The following EBF3 variants were observed in gnomAD, a reference collection of about 807,000 sequenced individuals.
The protein encoded by EBF3 is transcription factor COE3.
In EBF3, 18 loss-of-function variants were observed where a neutral mutation model predicts 77.1. The observed-to-expected ratio is 0.23, with a 90% CI of 0.16 to 0.35. The LOEUF (loss-of-function observed/expected upper bound fraction) is 0.35. Ranked by LOEUF, EBF3 falls within the 10% of genes least tolerant of loss-of-function variation. The probability of loss-of-function intolerance (pLI) is 1.00; values close to 1 mark genes in which losing one functional copy is unlikely to be tolerated. For missense variants in EBF3, 558 were observed against 860.0 expected (o/e 0.65, Z 4.39); for synonymous variants, 350 against 343.5 (o/e 1.02, Z -0.21).
rs751990395 is a variant in EBF3 at position 129,842,081 on chromosome 10, T to C, written c.1372+35A>G. The C allele has an allele frequency of 3.1e-6, 5 of 1,613,658 alleles. No individual in the cohort carries two copies. In the South Asian group the frequency reaches 4.4e-5, roughly 14 times the overall value. ...GGCCTCAACCAACCCTCGGAGGGCG[T>C]TCAGGGCAGGGGTCCTCCCAGCATG... On this transcript the variant is annotated intron_variant, in intron 13 of 16. Transcript: ENST00000440978. The surrounding 1 kb of genome is among the most constrained non-coding windows in gnomAD (Gnocchi z 4.4).
At chr10:129,918,546 C>A (rs532277756) in intron 6 of EBF3, among the ~76,000 whole-genome samples, 2 of 152,338 alleles carry the variant, frequency 1.3e-5, no homozygotes, top group South Asian at 4.1e-4. Context: ...CATCACCAGG[C>A]CTGCCCTCCT....
intron 6 of EBF3, among the ~76,000 whole-genome samples, chr10:129,899,756 A>G (rs1384766065): frequency 6.6e-6 from 1 of 152,176 alleles, no homozygotes; most frequent in Non-Finnish European, 1.5e-5. Context: ...ACAAGTTCCT[A>G]TGCTGGAACC....
chr10:129,948,609 C>CACTGGGGGAA (rs1858422732), intron 6 of EBF3, among the ~76,000 whole-genome samples: 1 of 121,912 alleles, frequency 8.2e-6, no homozygotes, highest in Non-Finnish European at 1.6e-5. Flanking sequence ...AAGACGTTAA[C>CACTGGGGGAA]ACTGGGGGAA....
chr10:129,844,153 C>A (rs1850287134), intron 11 of EBF3, among the ~76,000 whole-genome samples: 1 of 152,146 alleles, frequency 6.6e-6, no homozygotes, highest in Non-Finnish European at 1.5e-5. Context: ...AGAAAAATTC[C>A]CTGGGTGGCT....
At position 129,837,800 on chromosome 10, in the gene EBF3, T is replaced by G. The variant is rs762911475; in HGVS notation, c.*143A>C. 1 of 1,069,042 alleles carries G rather than the reference T, an allele frequency of 9.4e-7. No homozygotes were observed. The highest frequency in any genetic ancestry group is 1.4e-6 in the Non-Finnish European group (1 of 721,368). 66.2% of individuals were successfully genotyped at this position (1,069,042 alleles called of 1,614,324 possible). On this transcript the variant is annotated 3_prime_UTR_variant, in exon 17 of 17. Transcript: ENST00000440978. ...AAATAAAATCTTTAAACAAAGTCTTTTGTAGCATTTCAATTGCTGCTGATT... is the reference window on the plus strand; with the variant it reads ...AAATAAAATCTTTAAACAAAGTCTTGTGTAGCATTTCAATTGCTGCTGATT...
chr10:129,921,790 G>C (rs1032431824), intron 6 of EBF3, among the ~76,000 whole-genome samples: 2 of 152,196 alleles, frequency 1.3e-5, no homozygotes, highest in African/African-American at 4.8e-5. Flanking sequence ...TGGCATCTGG[G>C]GATATGGGCA....
chr10:129,959,108 C>T, intron 4 of EBF3, 101 bp from the exon 5 acceptor site: 1 of 1,429,778 alleles, frequency 7.0e-7, no homozygotes, highest in Non-Finnish European at 9.6e-7. Flanking sequence ...AGGTGCACCA[C>T]GCTCGAGGGG....
intron 10 of EBF3, among the ~76,000 whole-genome samples, chr10:129,850,268 CCT>C (rs1382883251): frequency 6.6e-6 from 1 of 152,194 alleles, no homozygotes; most frequent in African/African-American, 2.4e-5. Flanking sequence ...TGCAAATGCC[CCT>C]GACAGGTGAT....
Position 129,863,964 on chromosome 10 carries a change from C to T in EBF3, c.1039+3177G>A, listed in dbSNP as rs949278754. Among the ~76,000 whole-genome samples, 10 of 152,094 alleles carry T rather than the reference C, an allele frequency of 6.6e-5. No individual in the cohort carries two copies. The highest frequency in any genetic ancestry group is 1.0e-4 in the Non-Finnish European group (7 of 68,006). On this transcript the variant is annotated intron_variant, in intron 10 of 16. Coordinates refer to ENST00000440978, the MANE Select transcript of EBF3 (RefSeq NM_001375380.1). This position sits in a 1 kb window ranked among gnomAD's most constrained non-coding sequence, Gnocchi z 4.0. ...AACACCCACTCATGGGAGCATGTCT[C>T]GATGGAGGAAATCCCTGAAGCTTCG...
intron 10 of EBF3, among the ~76,000 whole-genome samples, chr10:129,851,885 C>T (rs766397281): frequency 1.3e-4 from 20 of 152,176 alleles, no homozygotes; most frequent in African/African-American, 4.1e-4. Flanking sequence ...ATACATTATT[C>T]GTCCTTTTAG....
intron 11 of EBF3, among the ~76,000 whole-genome samples, chr10:129,844,334 G>A (rs1368706436): frequency 1.3e-5 from 2 of 152,190 alleles, no homozygotes; most frequent in Non-Finnish European, 2.9e-5. Context: ...GGTGGCCTTC[G>A]CTCCTGGGCC....
At chr10:129,880,318 CAT>C (rs1853104388) in intron 6 of EBF3, among the ~76,000 whole-genome samples, 1 of 152,030 alleles carries the variant, frequency 6.6e-6, no homozygotes, top group African/African-American at 2.4e-5. Flanking sequence ...CATACACACA[CAT>C]GCCCACACAT....
At chr10:129,865,356 AT>A (rs1226329029) in intron 10 of EBF3, among the ~76,000 whole-genome samples, 2 of 152,246 alleles carry the variant, frequency 1.3e-5, no homozygotes, top group East Asian at 1.9e-4. Context: ...ACATGTCTTT[AT>A]TTTTTTAAAA....
At chr10:129,951,362 G>C (rs768171361) in intron 6 of EBF3, among the ~76,000 whole-genome samples, 1 of 152,232 alleles carries the variant, frequency 6.6e-6, no homozygotes, top group South Asian at 2.1e-4. Flanking sequence ...CAGCGGTGCA[G>C]GATGCTTTCC....
At chr10:129,931,601 G>C (rs1857032173) in intron 6 of EBF3, among the ~76,000 whole-genome samples, 1 of 152,270 alleles carries the variant, frequency 6.6e-6, no homozygotes, top group South Asian at 2.1e-4. Context: ...GCCATGGTCT[G>C]ATTCTAACTT....
intron 3 of EBF3, 86 bp from the exon 4 acceptor site, chr10:129,962,312 C>T (rs1859586956): frequency 2.4e-6 from 3 of 1,271,714 alleles, no homozygotes; most frequent in Non-Finnish European, 3.4e-6. Context: ...GTCTGTAACT[C>T]AGGACTGCTG....
chr10:129,873,303 T>A lies in EBF3; in HGVS notation c.781+149A>T, dbSNP rs1266657060. On this transcript the variant is annotated intron_variant, in intron 8 of 16. Transcript: ENST00000440978. ...TAGGAGGGCTGTCTCCCCTTCCACC[T>A]CGGGGACACCCCCTCATCCTGCCTT... 4 of 964,292 alleles carry A rather than the reference T, an allele frequency of 4.1e-6. No homozygotes were observed. The African/African-American group carries it at 6.7e-5, about 16-fold the overall frequency. 59.7% of individuals were successfully genotyped at this position (964,292 alleles called of 1,614,324 possible).
chr10:129,923,039 T>C lies in EBF3; in HGVS notation c.554+34219A>G, dbSNP rs565232. Among the ~76,000 whole-genome samples, 329 of 152,236 alleles carry C rather than the reference T, an allele frequency of 2.2e-3. 1 individual carries two copies. The highest frequency in any genetic ancestry group is 7.3e-3 in the African/African-American group (302 of 41,536). ...TTCTCTCTCTATAGAATGGGCTGGG[T>C]GAGGGGTAACCCGAATATCTCCACT... On this transcript the variant is annotated intron_variant, in intron 6 of 16. Transcript: ENST00000440978.
chr10:129,882,406 C>G (rs1212959791), intron 6 of EBF3, among the ~76,000 whole-genome samples: 1 of 152,206 alleles, frequency 6.6e-6, no homozygotes, highest in South Asian at 2.1e-4. Context: ...AATGGAATAT[C>G]AAGGAGTCCG....
Sources: gnomAD v4.1 joint callset for allele counts (sites outside exome capture counted in the v4.1 genomes callset) on GRCh38, gnomAD v4.1.1 for gene constraint, Gnocchi (gnomAD v3.1) non-coding constraint, MANE v1.5 for transcripts, NCBI Gene and HGNC (gene_info 2026-07-23, HGNC 2026-07-21) for gene names.